The following ROBO2 variants were observed in gnomAD, a reference collection of about 807,000 sequenced individuals.
The protein encoded by ROBO2 is roundabout homolog 2.
ROBO2 carries 53 observed loss-of-function variants against 160.8 expected under a neutral mutation model. That is an observed-to-expected ratio of 0.33 (90% confidence interval 0.26 to 0.41). The LOEUF (loss-of-function observed/expected upper bound fraction) is 0.41. ROBO2 is among the 10% of genes least tolerant of loss of function. The pLI is 1.00. For synonymous variants in ROBO2, 664 were observed against 611.7 expected (o/e 1.09, Z -1.26); for missense variants, 1,577 against 1,722.4 (o/e 0.92, Z 1.49).
intron 2 of ROBO2, among the ~76,000 whole-genome samples, chr3:76,394,406 G>A (rs2077316019): frequency 6.6e-6 from 1 of 152,086 alleles, no homozygotes; most frequent in Non-Finnish European, 1.5e-5. Flanking sequence ...GGCTGGATAT[G>A]AAATTCTGGG....
intron 2 of ROBO2, among the ~76,000 whole-genome samples, chr3:76,176,357 G>A (rs541028147): frequency 4.6e-5 from 7 of 151,918 alleles, no homozygotes; most frequent in Non-Finnish European, 8.8e-5. Flanking sequence ...TTGAATAGCT[G>A]CTGTGCTCCA....
At chr3:76,368,132 A>G (rs2075922304) in intron 2 of ROBO2, among the ~76,000 whole-genome samples, 2 of 151,948 alleles carry the variant, frequency 1.3e-5, no homozygotes, top group Non-Finnish European at 2.9e-5. Flanking sequence ...TCATATCAAT[A>G]AAAAGGTAAG....
intron 1 of ROBO2, among the ~76,000 whole-genome samples, chr3:77,050,326 C>T (rs1016283647): frequency 9.9e-5 from 15 of 151,104 alleles, no homozygotes; most frequent in African/African-American, 2.7e-4. Flanking sequence ...AGTATATAAC[C>T]GTTTGTGTAT....
chr3:76,518,604 T>C (rs1029223968), intron 2 of ROBO2, among the ~76,000 whole-genome samples: 3 of 152,206 alleles, frequency 2.0e-5, no homozygotes, highest in African/African-American at 7.2e-5. Context: ...TGAGCTCATA[T>C]GGTGGTTTTA....
intron 2 of ROBO2, among the ~76,000 whole-genome samples, chr3:76,097,766 ACT>A (rs1217031264): frequency 1.3e-5 from 2 of 152,026 alleles, no homozygotes; most frequent in Non-Finnish European, 1.5e-5. Flanking sequence ...GAGGGCTGGA[ACT>A]CTGTTTTGCT....
At chr3:77,524,448 G>A (rs931362690) in intron 6 of ROBO2, among the ~76,000 whole-genome samples, 3 of 151,228 alleles carry the variant, frequency 2.0e-5, no homozygotes, top group African/African-American at 7.3e-5. Context: ...AATTATCCCC[G>A]AAGTTTTCTT....
intron 1 of ROBO2, among the ~76,000 whole-genome samples, chr3:77,089,041 T>C (rs1197806404): frequency 6.6e-6 from 1 of 152,176 alleles, no homozygotes; most frequent in East Asian, 1.9e-4. Flanking sequence ...TTGGGATGAA[T>C]AAATAGTACA....
intron 4 of ROBO2, among the ~76,000 whole-genome samples, chr3:77,483,747 A>G (rs1297781516): frequency 6.8e-6 from 1 of 147,754 alleles, no homozygotes; most frequent in Non-Finnish European, 1.5e-5. Flanking sequence ...ATTATATTTT[A>G]TTGATACCTA....
intron 5 of ROBO2, among the ~76,000 whole-genome samples, chr3:77,497,756 G>T (rs2086993169): frequency 6.6e-6 from 1 of 151,946 alleles, no homozygotes; most frequent in Admixed American, 6.6e-5. Flanking sequence ...AATGAGGTGA[G>T]TTTCCATCTT....
chr3:76,002,372 C>T (rs868656981), intron 2 of ROBO2, among the ~76,000 whole-genome samples: 17 of 152,080 alleles, frequency 1.1e-4, no homozygotes, highest in Admixed American at 5.9e-4. Flanking sequence ...CCGTAACTCC[C>T]GTGTGTTGTG....
chr3:77,111,755 G>A (rs2073609359), intron 2 of ROBO2, among the ~76,000 whole-genome samples: 1 of 152,170 alleles, frequency 6.6e-6, no homozygotes, highest in South Asian at 2.1e-4. Flanking sequence ...ATGACTTAAT[G>A]AGTAGAGTGC....
At chr3:77,191,607 T>C (rs1027075198) in intron 2 of ROBO2, among the ~76,000 whole-genome samples, 31 of 152,326 alleles carry the variant, frequency 2.0e-4, no homozygotes, top group African/African-American at 7.2e-4. Context: ...GAAAGTTTCA[T>C]CTAACTGGGC....
intron 2 of ROBO2, among the ~76,000 whole-genome samples, chr3:76,509,345 G>C (rs1012414090): frequency 2.0e-5 from 3 of 152,254 alleles, no homozygotes; most frequent in South Asian, 2.1e-4. Flanking sequence ...GAGCCAGAGA[G>C]AGAGAAAGAG....
rs1553886639 is a variant in ROBO2 at position 76,735,786 on chromosome 3, A to AAGGGG, written c.110-362228_110-362227insAGGGG. Among the ~76,000 whole-genome samples the AAGGGG allele has an allele frequency of 2.5e-4, 32 of 126,606 alleles. 6 individuals carry two copies. The highest frequency in any genetic ancestry group is 6.1e-4 in the Admixed American group (7 of 11,440). 83.1% of individuals were successfully genotyped at this position (126,606 alleles called of 152,430 possible). On this transcript the variant is annotated intron_variant, in intron 2 of 26. Transcript: ENST00000487694. ...AAAAAAAAAAAAAAAGAAAAAAAAA[A>AAGGGG]GGGGAAAGGGAAAAGAAAAAAGAAA...
chr3:76,713,203 C>A (rs1478439977), intron 2 of ROBO2, among the ~76,000 whole-genome samples: 1 of 152,128 alleles, frequency 6.6e-6, no homozygotes, highest in Admixed American at 6.5e-5. Context: ...ATCTTCCAGG[C>A]AAATTTGACT....
chr3:76,263,493 G>A (rs1003313021), intron 2 of ROBO2, among the ~76,000 whole-genome samples: 1 of 152,122 alleles, frequency 6.6e-6, no homozygotes, highest in Non-Finnish European at 1.5e-5. Flanking sequence ...AAAGTGCTGG[G>A]ATTACAGGTG....
chr3:76,447,191 A>G (rs2077227848), intron 2 of ROBO2, among the ~76,000 whole-genome samples: 2 of 152,228 alleles, frequency 1.3e-5, no homozygotes, highest in South Asian at 4.1e-4. Flanking sequence ...AAACAAATTT[A>G]CAAGAAAAAG....
At chr3:76,807,963 A>T (rs1028216040) in intron 2 of ROBO2, among the ~76,000 whole-genome samples, 3 of 152,064 alleles carry the variant, frequency 2.0e-5, no homozygotes, top group Admixed American at 6.6e-5. Flanking sequence ...CTTGACAAAA[A>T]ATATGTAGGC....
At chr3:76,178,055 C>T (rs549654980) in intron 2 of ROBO2, among the ~76,000 whole-genome samples, 5 of 152,084 alleles carry the variant, frequency 3.3e-5, no homozygotes, top group Admixed American at 1.3e-4. Flanking sequence ...CAGAGAAATA[C>T]GTGTATCTCT....
Sources: allele counts gnomAD v4.1 joint callset (sites outside exome capture counted in the v4.1 genomes callset), GRCh38; gene constraint gnomAD v4.1.1; transcripts MANE v1.5; gene names NCBI Gene and HGNC (gene_info 2026-07-23, HGNC 2026-07-21).